The following PLAAT3 variants were observed in gnomAD, a reference collection of about 807,000 sequenced individuals.
The protein encoded by PLAAT3 is Ca-independent phospholipase A1/2.
In PLAAT3, 21 loss-of-function variants were observed where a neutral mutation model predicts 16.7. The observed-to-expected ratio is 1.26, with a 90% CI of 0.89 to 1.81. The LOEUF is 1.81. Ranked by LOEUF, PLAAT3 falls within the 40% of genes most tolerant of loss-of-function variation. The pLI, the probability that PLAAT3 is intolerant of heterozygous loss-of-function variation, is 0.00. For synonymous variants in PLAAT3, 76 were observed against 81.7 expected (o/e 0.93, Z 0.38); for missense variants, 219 against 213.7 (o/e 1.02, Z -0.16).
chr11:63,590,502 A>T, intron 3 of PLAAT3, 134 bp from the exon 4 acceptor site: 1 of 696,966 alleles, frequency 1.4e-6, no homozygotes, highest in East Asian at 2.7e-5. Context: ...GGTCAGACGC[A>T]TGGCTGTGGG....
chr11:63,590,396 G>A (rs775530104), intron 3 of PLAAT3, 28 bp from the exon 4 acceptor site: 1 of 1,609,780 alleles, frequency 6.2e-7, no homozygotes, highest in East Asian at 2.2e-5. Flanking sequence ...GGAAACAGAG[G>A]GATTGGTCCT....
chr11:63,609,073 GA>G (rs2134432655), intron 2 of PLAAT3, among the ~76,000 whole-genome samples: 1 of 152,280 alleles, frequency 6.6e-6, no homozygotes, highest in Non-Finnish European at 1.5e-5. Context: ...TTTTGATTTG[GA>G]AAGGTCACAG....
upstream of PLAAT3, among the ~76,000 whole-genome samples, chr11:63,615,102 ATATATGTGTG>A (rs1565259668): frequency 1.4e-5 from 1 of 69,778 alleles, no homozygotes; most frequent in African/African-American, 5.3e-5. Context: ...ATATATGTGT[ATATATGTGTG>A]TATATATGTG....
At chr11:63,577,218 C>CTAGA (rs199845799) in intron 4 of PLAAT3, among the ~76,000 whole-genome samples, 3,451 of 150,986 alleles carry the variant, frequency 0.023, 132 homozygotes, top group African/African-American at 0.079. Context: ...GTTGCCCAGG[C>CTAGA]TAGAGTGCAA....
At chr11:63,579,578 A>G (rs1937734483) in intron 4 of PLAAT3, among the ~76,000 whole-genome samples, 1 of 152,082 alleles carries the variant, frequency 6.6e-6, no homozygotes, top group Non-Finnish European at 1.5e-5. Flanking sequence ...TTGTAGGGAC[A>G]TGGATGAAGC....
intron 2 of PLAAT3, among the ~76,000 whole-genome samples, chr11:63,606,462 A>ACACACACC (rs945885416): frequency 1.5e-5 from 2 of 136,498 alleles, no homozygotes; most frequent in African/African-American, 3.1e-5. Flanking sequence ...ACACACACAC[A>ACACACACC]CCTTAGTAAA....
intron 3 of PLAAT3, among the ~76,000 whole-genome samples, chr11:63,594,593 C>A (rs1010252887): frequency 2.7e-5 from 4 of 150,604 alleles, no homozygotes; most frequent in African/African-American, 4.9e-5. Context: ...AGTCTGAGAG[C>A]AAAACTCCAT....
chr11:63,575,343 G>A (rs901877015), intron 4 of PLAAT3, among the ~76,000 whole-genome samples: 1 of 152,254 alleles, frequency 6.6e-6, no homozygotes, highest in Non-Finnish European at 1.5e-5. Context: ...AAAGGACAGG[G>A]AGCTGATGCC....
chr11:63,581,404 G>C (rs566667856), intron 4 of PLAAT3, among the ~76,000 whole-genome samples: 26 of 152,226 alleles, frequency 1.7e-4, no homozygotes, highest in Admixed American at 4.6e-4. Flanking sequence ...GGCCGCTCTG[G>C]GAGTGTCTGT....
In PLAAT3 at chr11:63,590,148, G is replaced by A. The variant is rs373632324; in HGVS notation, c.339C>T (p.Cys113=). ...AGCGCAGCTCATTCACAAAGTGCTC[G>A]CAGTTCTCACTGGTCAGCTTGTAGA... ...EVLYKLTSEN[C]EHFVNELRYG... is the part of the protein sequence containing the mutation. The change falls in exon 4 of 5, where the codon TGC becomes TGT. Residue 113 remains cysteine (C), a synonymous_variant. Transcript: ENST00000415826. 4.4e-4 allele frequency: 711 copies of A among 1,614,178 alleles called. 5 individuals carry two copies. The South Asian group carries it at 6.4e-3, about 14-fold the overall frequency.
At position 63,606,473 on chromosome 11, in the gene PLAAT3, TAAGTA is replaced by T. The variant is rs375147344; in HGVS notation, c.15+7522_15+7526del. On this transcript the variant is annotated intron_variant, in intron 2 of 4. Transcript: ENST00000415826. ...ACACACACACACACACCTTAGTAAATAAGTAAATAATCTAGAATATGAGAAGAGAT... is the reference window on the plus strand; with the variant it reads ...ACACACACACACACACCTTAGTAAATAATAATCTAGAATATGAGAAGAGAT... 5.4e-3 allele frequency among the ~76,000 whole-genome samples: 695 copies of T among 127,606 alleles called. 8 individuals carry two copies. Among genetic ancestry groups the T allele is most frequent in the African/African-American group, 0.02 (674 of 33,758 alleles). 83.7% of individuals were successfully genotyped at this position (127,606 alleles called of 152,430 possible).
intron 3 of PLAAT3, among the ~76,000 whole-genome samples, chr11:63,591,243 A>G (rs898171598): frequency 5.9e-5 from 9 of 152,124 alleles, no homozygotes; most frequent in Non-Finnish European, 1.3e-4. Context: ...CTAGCCGTGT[A>G]TGGTGGTGTG....
intron 4 of PLAAT3, among the ~76,000 whole-genome samples, chr11:63,588,810 T>C (rs568443587): frequency 6.6e-6 from 1 of 152,142 alleles, no homozygotes; most frequent in Non-Finnish European, 1.5e-5. Context: ...TGTAGACAGG[T>C]ATAGGAACCG....
intron 3 of PLAAT3, 66 bp from the exon 4 acceptor site, chr11:63,590,434 G>C: frequency 6.8e-7 from 1 of 1,478,532 alleles, no homozygotes. Context: ...CTCAGAGCTG[G>C]CCCCCAGCCG....
Position 63,602,411 on chromosome 11 carries a change from T to C in PLAAT3, c.16-4248A>G, listed in dbSNP as rs542933469. On this transcript the variant is annotated intron_variant, in intron 2 of 4. Transcript: ENST00000415826. ...GAATAATTCACCTCTACCACTAAGA[T>C]CCACCTAGAAAAACAAGTACTTATC... Among the ~76,000 whole-genome samples the C allele has an allele frequency of 2.0e-5, 3 of 152,060 alleles. No homozygotes were observed. The South Asian group carries it at 6.2e-4, about 32-fold the overall frequency.
chr11:63,597,961 A>G (rs1938334897), intron 3 of PLAAT3, 100 bp downstream of exon 3: 2 of 778,782 alleles, frequency 2.6e-6, no homozygotes, highest in Non-Finnish European at 4.4e-6. Context: ...CCAGTTGGGA[A>G]GCAAGAAGAA....
At chr11:63,614,356 A>C (rs1462711924) in intron 1 of PLAAT3, 29 bp downstream of exon 1, 2 of 348,840 alleles carry the variant, frequency 5.7e-6, no homozygotes, top group South Asian at 5.7e-5. Flanking sequence ...GCCTTATCGC[A>C]CCCTTCCAGG....
intron 4 of PLAAT3, among the ~76,000 whole-genome samples, chr11:63,587,247 C>T (rs891984572): frequency 6.6e-6 from 1 of 152,048 alleles, no homozygotes; most frequent in African/African-American, 2.4e-5. Context: ...TGGCACAATA[C>T]ATGAAAATAG....
chr11:63,598,301 G>A, intron 2 of PLAAT3, 138 bp from the exon 3 acceptor site: 1 of 641,312 alleles, frequency 1.6e-6, no homozygotes, highest in Non-Finnish European at 2.8e-6. Flanking sequence ...GCTCTGCCAG[G>A]TCCAATGCCA....
Sources: allele counts gnomAD v4.1 joint callset (sites outside exome capture counted in the v4.1 genomes callset), GRCh38; gene constraint gnomAD v4.1.1; transcripts MANE v1.5; gene names NCBI Gene and HGNC (gene_info 2026-07-23, HGNC 2026-07-21).